ADAM10: variants seen among roughly 807,000 people sequenced by gnomAD.
ADAM10 encodes disintegrin and metalloproteinase domain-containing protein 10.
In ADAM10, 17 loss-of-function variants were observed where a neutral mutation model predicts 90.1. The ratio of observed to expected loss-of-function variants is 0.19; its 90% CI spans 0.13 to 0.28. The LOEUF (loss-of-function observed/expected upper bound fraction) is 0.28, where lower values mean the gene tolerates loss of function less well. Ranked by LOEUF, ADAM10 falls within the 10% of genes least tolerant of loss-of-function variation. The pLI, the probability that ADAM10 is intolerant of heterozygous loss-of-function variation, is 1.00. For synonymous variants in ADAM10, 310 were observed against 298.6 expected (o/e 1.04, Z -0.40); for missense variants, 610 against 914.3 (o/e 0.67, Z 4.29).
At chr15:58,645,565 G>C (rs906979227) in intron 6 of ADAM10, among the ~76,000 whole-genome samples, 6 of 152,022 alleles carry the variant, frequency 3.9e-5, no homozygotes, top group African/African-American at 1.5e-4. Flanking sequence ...CAAATCCTTT[G>C]AGTCAAAAGT....
chr15:58,661,689 T>C (rs1327916159), intron 5 of ADAM10, among the ~76,000 whole-genome samples: 1 of 152,152 alleles, frequency 6.6e-6, no homozygotes, highest in Non-Finnish European at 1.5e-5. Flanking sequence ...AATTGAAATT[T>C]TTCCTAGTAT....
intron 1 of ADAM10, among the ~76,000 whole-genome samples, chr15:58,745,331 T>A (rs1187870296): frequency 1.3e-5 from 2 of 152,232 alleles, no homozygotes; most frequent in African/African-American, 4.8e-5. Flanking sequence ...AAGCAGAGTT[T>A]ATGTTTGTAT....
rs1472601660 is a variant in ADAM10 at position 58,682,219 on chromosome 15, T to C, written c.302A>G (p.His101Arg). The C allele has an allele frequency of 3.7e-6, 6 of 1,612,782 alleles. No homozygotes were observed. Among genetic ancestry groups the C allele is most frequent in the Non-Finnish European group, 5.1e-6 (6 of 1,179,406 alleles). ...ACCATAAATATGTCCAGTGTAAATA[T>C]GAGAGGTATCATAATCAAGTACTTT... The part of the protein sequence containing the change: ...SNKVLDYDTS[H>R]IYTGHIYGEE... The change falls in exon 3 of 16, where the codon CAT becomes CGT. Residue 101 changes from histidine (H) to arginine (R), a missense_variant. His to Arg is a conservative substitution (Grantham distance 29). This residue lies in a region of ADAM10 where 310 missense variants were observed against 362.4 expected (regional missense o/e 0.86). Coordinates refer to ENST00000260408, the MANE Select transcript of ADAM10 (RefSeq NM_001110.4).
intron 11 of ADAM10, among the ~76,000 whole-genome samples, chr15:58,613,520 G>C (rs1473688592): frequency 6.6e-6 from 1 of 151,876 alleles, no homozygotes; most frequent in African/African-American, 2.4e-5. Context: ...TGAGGGAAAA[G>C]ACACAAGAAA....
chr15:58,627,109 T>C (rs1479427481), intron 10 of ADAM10, among the ~76,000 whole-genome samples: 1 of 152,002 alleles, frequency 6.6e-6, no homozygotes, highest in Non-Finnish European at 1.5e-5. Context: ...TACTCAGCAA[T>C]AAAAAGGAGT....
chr15:58,622,433 G>A (rs8043406), intron 10 of ADAM10, among the ~76,000 whole-genome samples: 72,716 of 151,960 alleles, frequency 0.48, 20,090 homozygotes, highest in East Asian at 0.94. Context: ...CTTTTAACGT[G>A]TAATAGATTT....
At position 58,597,560 on chromosome 15, in the gene ADAM10, T is replaced by C. The variant is rs1894992486; in HGVS notation, c.2234A>G (p.His745Arg). The C allele has an allele frequency of 6.2e-7, 1 of 1,614,054 alleles. No homozygotes were observed. Among genetic ancestry groups the C allele is most frequent in the Non-Finnish European group, 8.5e-7 (1 of 1,180,016 alleles). The change falls in exon 16 of 16, where the codon CAC (histidine) becomes CGC (arginine). Residue 745 changes from histidine (H) to arginine (R), a missense_variant. By Grantham distance (29) the His-to-Arg change is conservative (BLOSUM62 0). Around this residue, in one of 4 missense-constraint regions of ADAM10, gnomAD observed 150 missense variants for 268.5 expected, o/e 0.56. Coordinates refer to ENST00000260408, the MANE Select transcript of ADAM10 (RefSeq NM_001110.4). Reference sequence around the variant, plus strand: ...CAAAAGCTGCAGTTAGCGTCTCATGTGTCCCATTTGATAACTCTCTCGGGG... The same window carrying C: ...CAAAAGCTGCAGTTAGCGTCTCATGCGTCCCATTTGATAACTCTCTCGGGG... Reference protein sequence around the residue: ...QRPRESYQMGHMRR With the variant: ...QRPRESYQMGRMRR
At chr15:58,640,371 C>T (rs1482546758) in intron 8 of ADAM10, among the ~76,000 whole-genome samples, 1 of 152,140 alleles carries the variant, frequency 6.6e-6, no homozygotes, top group South Asian at 2.1e-4. Flanking sequence ...CTTTATCTCA[C>T]TACAGAAGAG....
intron 1 of ADAM10, among the ~76,000 whole-genome samples, chr15:58,724,001 C>A (rs1174823889): frequency 1.3e-5 from 2 of 151,838 alleles, no homozygotes. Context: ...GAGGCCGAGG[C>A]AGGTGGATCA....
rs1567014727 is a variant in ADAM10 at position 58,727,207 on chromosome 15, C to CTTTTTT, written c.56-9481_56-9480insAAAAAA. ...TTTTTTTTTTTTTTTTTTTTTTTTC[C>CTTTTTT]CAAAAACAGCGTTTCGCTCGTTGCC... On this transcript the variant is annotated intron_variant, in intron 1 of 15. Coordinates refer to ENST00000260408, the MANE Select transcript of ADAM10 (RefSeq NM_001110.4). Among the ~76,000 whole-genome samples, 11 of 71,036 alleles carry CTTTTTT rather than the reference C, an allele frequency of 1.5e-4. 2 individuals carry two copies. Among genetic ancestry groups the CTTTTTT allele is most frequent in the African/African-American group, 4.9e-4 (6 of 12,256 alleles). The allele number at this position is 71,036 out of a possible 152,430, so 46.6% of individuals were successfully genotyped here. A position where few individuals can be genotyped will look rare whatever the true frequency, so the allele number is the denominator to read the frequency against.
intron 2 of ADAM10, among the ~76,000 whole-genome samples, chr15:58,696,610 C>T (rs573803168): frequency 6.6e-6 from 1 of 152,110 alleles, no homozygotes; most frequent in East Asian, 1.9e-4. Context: ...GGATTACAGG[C>T]ATCTGCCATC....
At chr15:58,668,285 C>T (rs1276928554) in intron 4 of ADAM10, among the ~76,000 whole-genome samples, 2 of 152,106 alleles carry the variant, frequency 1.3e-5, no homozygotes, top group Non-Finnish European at 2.9e-5. Flanking sequence ...ACAAATTAAT[C>T]AGTTGTTAAA....
intron 1 of ADAM10, among the ~76,000 whole-genome samples, chr15:58,729,958 TA>T (rs776357246): frequency 9.3e-5 from 11 of 118,502 alleles, no homozygotes; most frequent in Admixed American, 2.7e-4. Context: ...CGAGGCTCTG[TA>T]AAAAAAAACA....
At chr15:58,678,024 T>C (rs1413696659) in intron 4 of ADAM10, among the ~76,000 whole-genome samples, 1 of 152,092 alleles carries the variant, frequency 6.6e-6, no homozygotes, top group Non-Finnish European at 1.5e-5. Flanking sequence ...TTCCTACTTA[T>C]GAAGGAGGAT....
chr15:58,617,050 A>G (rs1221016107), intron 11 of ADAM10, among the ~76,000 whole-genome samples: 1 of 152,174 alleles, frequency 6.6e-6, no homozygotes, highest in African/African-American at 2.4e-5. Flanking sequence ...CGGAGCTTGC[A>G]GTGAGCCGAG....
intron 8 of ADAM10, among the ~76,000 whole-genome samples, chr15:58,639,553 A>G (rs1308694047): frequency 1.3e-5 from 2 of 152,208 alleles, no homozygotes; most frequent in African/African-American, 4.8e-5. Context: ...TGAGCTGTAC[A>G]ATCTGCTGAC....
chr15:58,698,815 A>G (rs1362996498), intron 2 of ADAM10, among the ~76,000 whole-genome samples: 1 of 152,196 alleles, frequency 6.6e-6, no homozygotes, highest in Non-Finnish European at 1.5e-5. Flanking sequence ...AAGTGACCAA[A>G]TATTCAAATT....
chr15:58,625,904 A>T (rs1895927260), intron 10 of ADAM10, among the ~76,000 whole-genome samples: 1 of 152,210 alleles, frequency 6.6e-6, no homozygotes, highest in Non-Finnish European at 1.5e-5. Flanking sequence ...GGCAATTCCA[A>T]AAGGTTGTAT....
rs181705924 is a variant in ADAM10 at position 58,674,081 on chromosome 15, T to C, written c.484+5043A>G. On this transcript the variant is annotated intron_variant, in intron 4 of 15. Coordinates refer to ENST00000260408, the MANE Select transcript of ADAM10 (RefSeq NM_001110.4). ...TTTTTAACTTTCCAATTTAGTATCC[T>C]ACATTTCTAATTAAATATTATTCTT... Among the ~76,000 whole-genome samples the C allele has an allele frequency of 3.9e-5, 6 of 152,240 alleles. No individual in the cohort carries two copies. In the East Asian group the frequency reaches 1.2e-3, roughly 29 times the overall value.
Sources: allele counts gnomAD v4.1 joint callset (sites outside exome capture counted in the v4.1 genomes callset), GRCh38; gene constraint gnomAD v4.1.1; regional missense constraint gnomAD v4.1.1; transcripts MANE v1.5; gene names NCBI Gene and HGNC (gene_info 2026-07-23, HGNC 2026-07-21).